Variants in DOCK2 observed in about 807,000 individuals in gnomAD.
DOCK2 encodes dedicator of cytokinesis protein 2.
In DOCK2, 87 loss-of-function variants were observed where a neutral mutation model predicts 248.9. The ratio of observed to expected loss-of-function variants is 0.35; its 90% CI spans 0.29 to 0.42. The LOEUF (loss-of-function observed/expected upper bound fraction) is 0.42. Ranked by LOEUF, DOCK2 falls within the 10% of genes least tolerant of loss-of-function variation. DOCK2 has a pLI of 1.00. For synonymous variants in DOCK2, 805 were observed against 821.6 expected, an observed-to-expected ratio of 0.98 and a Z score of 0.35; for missense variants, 1,747 against 2,300.2, an observed-to-expected ratio of 0.76 and a Z score of 4.92.
At position 170,079,929 on chromosome 5, in the gene DOCK2, T is replaced by C. The variant is rs1757967385; in HGVS notation, c.5167-234T>C. The C allele has an allele frequency of 5.7e-6, 3 of 530,486 alleles. No individual in the cohort carries two copies. The South Asian group carries it at 9.5e-5, about 17-fold the overall frequency. The allele number at this position is 530,486 out of a possible 1,614,324, so 32.9% of individuals were successfully genotyped here. A position where few individuals can be genotyped will look rare whatever the true frequency, so the allele number is the denominator to read the frequency against. On this transcript the variant is annotated intron_variant, in intron 49 of 51. Transcript: ENST00000520908. ...TCGATTCTAGGGGACACCATTTACA[T>C]GATAGTCTAAATGAATGTCCGCCAC...
At chr5:169,672,660 G>A (rs1414514902) in intron 5 of DOCK2, among the ~76,000 whole-genome samples, 1 of 152,076 alleles carries the variant, frequency 6.6e-6, no homozygotes, top group Non-Finnish European at 1.5e-5. Context: ...TGGGTTTAAA[G>A]CCTCAATCCC....
chr5:170,077,248 G>C (rs527521882), intron 47 of DOCK2, among the ~76,000 whole-genome samples: 1 of 152,190 alleles, frequency 6.6e-6, no homozygotes, highest in African/African-American at 2.4e-5. Flanking sequence ...GTTTTTATTG[G>C]GGTTTTATTA....
chr5:169,759,553 T>G, intron 23 of DOCK2, 152 bp from the exon 24 acceptor site: 1 of 774,702 alleles, frequency 1.3e-6, no homozygotes. Flanking sequence ...TGCTTATGTT[T>G]TGATGTCCAT....
At chr5:169,773,318 T>C (rs1581168559) in intron 25 of DOCK2, 1 of 152,206 alleles carries the variant, frequency 6.6e-6, no homozygotes, top group East Asian at 1.9e-4. Context: ...AGGAAAAAAA[T>C]CTGTCTTAAA....
intron 27 of DOCK2, among the ~76,000 whole-genome samples, chr5:169,896,371 T>C (rs922905003): frequency 1.4e-4 from 21 of 152,172 alleles, no homozygotes; most frequent in African/African-American, 5.1e-4. Context: ...GAGCTTGCAT[T>C]CTGAAAACAG....
intron 27 of DOCK2, among the ~76,000 whole-genome samples, chr5:169,885,506 T>A (rs1772921359): frequency 6.6e-6 from 1 of 152,206 alleles, no homozygotes; most frequent in Non-Finnish European, 1.5e-5. Context: ...AAGGACAAAA[T>A]TCTCCCCTGA....
intron 26 of DOCK2, 131 bp downstream of exon 26, chr5:169,803,337 T>G: frequency 8.1e-7 from 1 of 1,228,848 alleles, no homozygotes; most frequent in Non-Finnish European, 1.1e-6. Context: ...TCAGCAGGCC[T>G]ACTTTTCCTG....
chr5:169,939,827 C>T (rs1776161360), intron 27 of DOCK2, among the ~76,000 whole-genome samples: 1 of 152,226 alleles, frequency 6.6e-6, no homozygotes. Flanking sequence ...CTAGAGTTAG[C>T]TCCTTCTCTG....
At chr5:169,718,844 T>A in intron 22 of DOCK2, 53 bp downstream of exon 22, 1 of 1,557,068 alleles carries the variant, frequency 6.4e-7, no homozygotes, top group Non-Finnish European at 8.7e-7. Context: ...TCCTCTGGGA[T>A]ACAACAGTAT....
chr5:170,034,724 G>A (rs1756263464), intron 35 of DOCK2, among the ~76,000 whole-genome samples, 169 bp downstream of exon 35: 1 of 152,152 alleles, frequency 6.6e-6, no homozygotes, highest in Admixed American at 6.5e-5. Context: ...TTTGTGTCTT[G>A]AGGCCGTCAC....
intron 19 of DOCK2, among the ~76,000 whole-genome samples, chr5:169,715,515 A>G (rs1317805957): frequency 6.6e-6 from 1 of 152,142 alleles, no homozygotes; most frequent in Non-Finnish European, 1.5e-5. Flanking sequence ...CCACTTTAAT[A>G]AAGTCTATAG....
At chr5:169,959,955 G>A (rs1438158145) in intron 27 of DOCK2, among the ~76,000 whole-genome samples, 3 of 152,214 alleles carry the variant, frequency 2.0e-5, no homozygotes, top group Non-Finnish European at 4.4e-5. Context: ...TTCTGTTGAG[G>A]TCCAGATAAG....
rs562824884 is a variant in DOCK2, at chr5:170,021,466, G to A, written c.3381+2358G>A. ...TCCCAAAAAGAAATAAGACCTGGTC[G>A]TTGCCTGGATTGTGACCTGACAGAT... On this transcript the variant is annotated intron_variant, in intron 33 of 51. Coordinates refer to ENST00000520908, the MANE Select transcript of DOCK2 (RefSeq NM_004946.3). 5.3e-5 allele frequency among the ~76,000 whole-genome samples: 8 copies of A among 152,276 alleles called. No homozygotes were observed. In the South Asian group the frequency reaches 1.7e-3, roughly 32 times the overall value.
rs138819735 is a variant in DOCK2, at chr5:169,695,283, T to C, written c.844-520T>C. On this transcript the variant is annotated intron_variant, in intron 9 of 51. Transcript: ENST00000520908. ...GACTGCACCAGAAGTAAACTTCTGCTGTGTTGTAAGCACTGAGATATTGGG... is the reference window on the plus strand; with the variant it reads ...GACTGCACCAGAAGTAAACTTCTGCCGTGTTGTAAGCACTGAGATATTGGG... 1.7e-3 allele frequency: 257 copies of C among 154,922 alleles called. 1 individual carries two copies. The highest frequency in any genetic ancestry group is 4.4e-3 in the Admixed American group (68 of 15,340). 9.6% of individuals were successfully genotyped at this position (154,922 alleles called of 1,614,324 possible).
At chr5:170,054,647 T>G (rs1757050426) in intron 41 of DOCK2, among the ~76,000 whole-genome samples, 1 of 152,258 alleles carries the variant, frequency 6.6e-6, no homozygotes, top group Non-Finnish European at 1.5e-5. Flanking sequence ...ATAGCAGTGC[T>G]TCACAAATTT....
chr5:170,045,974 T>A lies in DOCK2; in HGVS notation c.3966+69T>A. 3 of 1,467,072 alleles carry A rather than the reference T, an allele frequency of 2.0e-6. No individual in the cohort carries two copies. The South Asian group carries it at 3.4e-5, about 17-fold the overall frequency. 90.9% of individuals were successfully genotyped at this position (1,467,072 alleles called of 1,614,324 possible). On this transcript the variant is annotated intron_variant, in intron 39 of 51. Coordinates refer to ENST00000520908, the MANE Select transcript of DOCK2 (RefSeq NM_004946.3). ...GCTCAGGGCCTCAGCTCACCCCAGA[T>A]CCTGGGGAGATGGGCATGAGGGCCA...
At chr5:169,730,952 G>C (rs897451588) in intron 22 of DOCK2, among the ~76,000 whole-genome samples, 1 of 151,992 alleles carries the variant, frequency 6.6e-6, no homozygotes, top group African/African-American at 2.4e-5. Flanking sequence ...CATGATCACA[G>C]CTCACTGTAG....
chr5:169,983,493 C>A (rs1315889238), intron 28 of DOCK2, among the ~76,000 whole-genome samples: 1 of 152,180 alleles, frequency 6.6e-6, no homozygotes, highest in Non-Finnish European at 1.5e-5. Context: ...AACACAATAG[C>A]TCTCACGTAG....
At chr5:169,925,615 TG>T (rs1775405424) in intron 27 of DOCK2, among the ~76,000 whole-genome samples, 1 of 139,430 alleles carries the variant, frequency 7.2e-6, no homozygotes, top group African/African-American at 2.7e-5. Flanking sequence ...AGCATTGTCC[TG>T]GGGTGTAATC....
Sources: gnomAD v4.1 joint callset for allele counts (sites outside exome capture counted in the v4.1 genomes callset) on GRCh38, gnomAD v4.1.1 for gene constraint, MANE v1.5 for transcripts, NCBI Gene and HGNC (gene_info 2026-07-23, HGNC 2026-07-21) for gene names.